The following PDSS1 variants were observed in gnomAD, a reference collection of about 807,000 sequenced individuals.
PDSS1 encodes all trans-polyprenyl-diphosphate synthase PDSS1.
Under a neutral mutation model 57.5 loss-of-function variants are expected in PDSS1, and 43 were observed. The ratio of observed to expected loss-of-function variants is 0.75; its 90% confidence interval spans 0.59 to 0.96. The LOEUF is 0.96. PDSS1 is among the 50% of genes least tolerant of loss of function. The pLI, the probability that PDSS1 is intolerant of heterozygous loss-of-function variation, is 0.00. For missense variants in PDSS1, 438 were observed against 527.8 expected, an observed-to-expected ratio of 0.83 and a Z score of 1.67; for synonymous variants, 175 against 191.3, an observed-to-expected ratio of 0.91 and a Z score of 0.70.
At chr10:26,715,292 C>A (rs1176651423) in intron 5 of PDSS1, 1 of 152,194 alleles carries the variant, frequency 6.6e-6, no homozygotes, top group Non-Finnish European at 1.5e-5. Flanking sequence ...AGCATAAGAA[C>A]CTCAGTGAGA....
intron 10 of PDSS1, among the ~76,000 whole-genome samples, chr10:26,739,495 C>T (rs1490595803): frequency 2.0e-5 from 3 of 152,238 alleles, no homozygotes; most frequent in African/African-American, 7.2e-5. Context: ...TCACTCAATG[C>T]AAATATTTTT....
At chr10:26,702,999 C>T (rs947908543) in intron 2 of PDSS1, among the ~76,000 whole-genome samples, 1 of 152,174 alleles carries the variant, frequency 6.6e-6, no homozygotes, top group Non-Finnish European at 1.5e-5. Context: ...CTCTAAAGTA[C>T]TTTTAAAGCA....
At chr10:26,731,353 A>T in intron 8 of PDSS1, among the ~76,000 whole-genome samples, 1 of 152,158 alleles carries the variant, frequency 6.6e-6, no homozygotes, top group Non-Finnish European at 1.5e-5. Context: ...AAAAATTAAT[A>T]AATAAATAAT....
rs111289169 is a variant in PDSS1, at chr10:26,709,979, C to T, written c.467+211C>T. 5.3e-4 allele frequency among the ~76,000 whole-genome samples: 81 copies of T among 151,896 alleles called. 1 individual carries two copies. Among genetic ancestry groups the T allele is most frequent in the African/African-American group, 1.9e-3 (77 of 41,426 alleles). On this transcript the variant is annotated intron_variant, in intron 5 of 11. Coordinates refer to ENST00000376215, the MANE Select transcript of PDSS1 (RefSeq NM_014317.5). The stretch of plus-strand genomic sequence containing the variant: ...CAGCCTGGCCAACATGGTGAGACCC[C>T]GTCTCTACTAAAAATACAAAAAAAA...
At chr10:26,745,855 GA>G (rs936396248) in intron 11 of PDSS1, among the ~76,000 whole-genome samples, 1 of 148,660 alleles carries the variant, frequency 6.7e-6, no homozygotes, top group Non-Finnish European at 1.5e-5. Flanking sequence ...CAAAAAAAAA[GA>G]AAAAAGAAAA....
intron 6 of PDSS1, among the ~76,000 whole-genome samples, chr10:26,721,293 C>A (rs576730064): frequency 3.1e-4 from 43 of 137,218 alleles, no homozygotes; most frequent in African/African-American, 1.0e-3. Context: ...AGTGAGACTC[C>A]ATTTCAAAAA....
chr10:26,717,473 C>G (rs1419291811), intron 5 of PDSS1, among the ~76,000 whole-genome samples: 2 of 152,248 alleles, frequency 1.3e-5, no homozygotes, highest in South Asian at 2.1e-4. Flanking sequence ...CTCAGGTGAT[C>G]CTCCCGCCTC....
At chr10:26,718,473 G>A (rs991013937) in intron 5 of PDSS1, among the ~76,000 whole-genome samples, 1 of 152,030 alleles carries the variant, frequency 6.6e-6, no homozygotes, top group South Asian at 2.1e-4. Context: ...TATTAATAAA[G>A]AATGAGGCCA....
chr10:26,729,430 T>C (rs1836087609), intron 8 of PDSS1, among the ~76,000 whole-genome samples: 1 of 152,212 alleles, frequency 6.6e-6, no homozygotes, highest in Admixed American at 6.5e-5. Flanking sequence ...AACCACGAGG[T>C]ATCAAACAGA....
At chr10:26,729,110 G>A (rs1836075810) in intron 8 of PDSS1, among the ~76,000 whole-genome samples, 1 of 151,994 alleles carries the variant, frequency 6.6e-6, no homozygotes, top group Admixed American at 6.6e-5. Context: ...TTATAACACT[G>A]TCATTATTTT....
intron 11 of PDSS1, 66 bp from the exon 12 acceptor site, chr10:26,746,267 C>T (rs1023347871): frequency 4.1e-6 from 6 of 1,479,688 alleles, no homozygotes; most frequent in Middle Eastern, 1.7e-4. Context: ...TTTATTATAG[C>T]AGGAAGTTAA....
chr10:26,727,621 G>A lies in PDSS1; in HGVS notation c.831+3498G>A, dbSNP rs140017206. 2.6e-3 allele frequency among the ~76,000 whole-genome samples: 389 copies of A among 151,508 alleles called. 1 individual carries two copies. Among genetic ancestry groups the A allele is most frequent in the African/African-American group, 8.8e-3 (365 of 41,280 alleles). ...AGTGATTCTCCCACCTCAGCCTCCCGAGTAGCTGGGATTACAGGTGCACAC... is the reference window on the plus strand; with the variant it reads ...AGTGATTCTCCCACCTCAGCCTCCCAAGTAGCTGGGATTACAGGTGCACAC... On this transcript the variant is annotated intron_variant, in intron 8 of 11. Transcript: ENST00000376215.
intron 4 of PDSS1, among the ~76,000 whole-genome samples, chr10:26,709,313 A>C (rs188612378): frequency 2.3e-3 from 354 of 152,268 alleles, no homozygotes; most frequent in African/African-American, 8.0e-3. Context: ...TAATCCCAAC[A>C]CTTTGGGAGG....
rs138562378 is a variant in PDSS1 at position 26,712,663 on chromosome 10, C to G, written c.467+2895C>G. 4.4e-3 allele frequency among the ~76,000 whole-genome samples: 435 copies of G among 99,064 alleles called. 122 individuals carry two copies. Among genetic ancestry groups the G allele is most frequent in the African/African-American group, 0.013 (401 of 30,514 alleles). The allele number at this position is 99,064 out of a possible 152,430, so 65.0% of individuals were successfully genotyped here. ...TAAATATGTAGGTATTATTTCCATG[C>G]CACTTAAGAAGAAGGGATGAGGCTT... is the stretch of plus-strand genomic sequence containing the variant. On this transcript the variant is annotated intron_variant, in intron 5 of 11. Transcript: ENST00000376215.
chr10:26,705,262 CAT>C lies in PDSS1; in HGVS notation c.228-23_228-22del, dbSNP rs760477672. The stretch of plus-strand genomic sequence containing the variant: ...TATAAAACTTACTTGAAAATGAAGT[CAT>C]GTGCATTTTTGCATGTCCCAGGTTT... On this transcript the variant is annotated intron_variant, in intron 3 of 11. Coordinates refer to ENST00000376215, the MANE Select transcript of PDSS1 (RefSeq NM_014317.5). The C allele has an allele frequency of 1.4e-5, 18 of 1,304,006 alleles. No individual in the cohort carries two copies. In the Admixed American group the frequency reaches 3.0e-4, roughly 22 times the overall value. 80.8% of individuals were successfully genotyped at this position (1,304,006 alleles called of 1,614,324 possible). A position where few individuals can be genotyped will look rare whatever the true frequency, so the allele number is the denominator to read the frequency against.
At chr10:26,734,112 A>G (rs958965506) in intron 8 of PDSS1, among the ~76,000 whole-genome samples, 1 of 152,376 alleles carries the variant, frequency 6.6e-6, no homozygotes, top group Non-Finnish European at 1.5e-5. Flanking sequence ...TACATTGTAC[A>G]GATGAGCAAG....
chr10:26,719,931 T>C (rs1208856608), intron 5 of PDSS1, among the ~76,000 whole-genome samples: 1 of 152,232 alleles, frequency 6.6e-6, no homozygotes. Flanking sequence ...AAGATGATTC[T>C]TCAGCCCAAT....
At chr10:26,705,171 A>G in intron 3 of PDSS1, 115 bp from the exon 4 acceptor site, 1 of 700,880 alleles carries the variant, frequency 1.4e-6, no homozygotes, top group East Asian at 2.8e-5. Flanking sequence ...TTTCAGATTC[A>G]TGATTAATTT....
intron 8 of PDSS1, among the ~76,000 whole-genome samples, chr10:26,724,583 T>C (rs1446439361): frequency 6.6e-6 from 1 of 152,146 alleles, no homozygotes; most frequent in East Asian, 1.9e-4. Context: ...TTTTGTTTTT[T>C]GTGTTTTTTT....
Sources: gnomAD v4.1 joint callset for allele counts (sites outside exome capture counted in the v4.1 genomes callset) on GRCh38, gnomAD v4.1.1 for gene constraint, MANE v1.5 for transcripts, NCBI Gene and HGNC (gene_info 2026-07-23, HGNC 2026-07-21) for gene names.